HELZ: variants seen among roughly 807,000 people sequenced by gnomAD.
The protein encoded by HELZ is helicase with zinc finger, also known as ATP-dependent RNA helicase with zinc finger domain.
Under a neutral mutation model 218.2 loss-of-function variants are expected in HELZ, and 23 were observed. The ratio of observed to expected loss-of-function variants is 0.11; its 90% confidence interval spans 0.08 to 0.15. The LOEUF (loss-of-function observed/expected upper bound fraction) is 0.15. Ranked by LOEUF, HELZ falls within the 10% of genes least tolerant of loss-of-function variation. HELZ has a pLI of 1.00. For synonymous variants in HELZ, 814 were observed against 829.4 expected, an observed-to-expected ratio of 0.98 and a Z score of 0.32; for missense variants, 1,813 against 2,353.7, an observed-to-expected ratio of 0.77 and a Z score of 4.75.
intron 12 of HELZ, among the ~76,000 whole-genome samples, chr17:67,185,670 T>A (rs1311088388): frequency 3.9e-5 from 6 of 152,224 alleles, no homozygotes; most frequent in Non-Finnish European, 7.3e-5. Flanking sequence ...ATACTGTTTG[T>A]TATTTCTCCT....
At chr17:67,219,631 AAG>A (rs10538458) in intron 3 of HELZ, among the ~76,000 whole-genome samples, 29,744 of 152,092 alleles carry the variant, frequency 0.2, 3,006 homozygotes, top group African/African-American at 0.26. Flanking sequence ...TCAGAGGAGT[AAG>A]AGAAGCTATG....
In HELZ at chr17:67,102,634, GCACATCAATCATTCACT is replaced by G. The variant is rs572117843; in HGVS notation, c.5241+4518_5241+4534del. On this transcript the variant is annotated intron_variant, in intron 31 of 32. Coordinates refer to ENST00000358691, the MANE Select transcript of HELZ (RefSeq NM_014877.4). ...TTAAAAGGTTGGAAATAAACAGCAA[GCACATCAATCATTCACT>G]TTGTGAGATGATTCATGCAAAAGCA... Among the ~76,000 whole-genome samples, 14 of 152,286 alleles carry G rather than the reference GCACATCAATCATTCACT, an allele frequency of 9.2e-5. No homozygotes were observed. The East Asian group carries it at 2.5e-3, about 27-fold the overall frequency.
At chr17:67,114,804 C>A (rs1411741347) in intron 27 of HELZ, among the ~76,000 whole-genome samples, 1 of 152,098 alleles carries the variant, frequency 6.6e-6, no homozygotes, top group African/African-American at 2.4e-5. Context: ...CTAAATAACG[C>A]CTCAATCTAA....
intron 3 of HELZ, chr17:67,224,394 G>T (rs1265086285): frequency 4.6e-6 from 1 of 219,628 alleles, no homozygotes; most frequent in African/African-American, 2.3e-5. Context: ...CCTGAATCCA[G>T]CTCTGGCTAG....
intron 3 of HELZ, among the ~76,000 whole-genome samples, chr17:67,231,719 T>C (rs1270190948): frequency 6.6e-6 from 1 of 152,014 alleles, no homozygotes; most frequent in Non-Finnish European, 1.5e-5. Flanking sequence ...TGACCTATAC[T>C]TCTTAATTTT....
intron 13 of HELZ, among the ~76,000 whole-genome samples, chr17:67,172,555 T>C (rs1436805309): frequency 6.6e-6 from 1 of 152,208 alleles, no homozygotes; most frequent in East Asian, 1.9e-4. Context: ...ATTCTTGAAA[T>C]CCTGTCATAT....
intron 31 of HELZ, among the ~76,000 whole-genome samples, chr17:67,096,454 T>C (rs1167225601): frequency 6.6e-6 from 1 of 152,250 alleles, no homozygotes; most frequent in Admixed American, 6.5e-5. Context: ...CTTCTTCCAA[T>C]AAGAGGCTGT....
chr17:67,181,153 G>A (rs1171781516), intron 12 of HELZ, among the ~76,000 whole-genome samples: 2 of 152,076 alleles, frequency 1.3e-5, no homozygotes, highest in Admixed American at 6.6e-5. Context: ...TGGTGGTGGG[G>A]AGATTATATT....
At chr17:67,092,534 A>G (rs2036602549) in intron 31 of HELZ, among the ~76,000 whole-genome samples, 1 of 152,208 alleles carries the variant, frequency 6.6e-6, no homozygotes, top group African/African-American at 2.4e-5. Context: ...ACAAAAAGAT[A>G]AGGAGACAGA....
At chr17:67,114,512 C>A (rs2037373936) in intron 27 of HELZ, 109 bp from the exon 28 acceptor site, 3 of 699,052 alleles carry the variant, frequency 4.3e-6, no homozygotes, top group Non-Finnish European at 5.0e-6. Flanking sequence ...ACTTTTCACC[C>A]ATTATGATCA....
Position 67,119,922 on chromosome 17 carries a change from G to C in HELZ, c.3838+483C>G, listed in dbSNP as rs193045422. 6 of 404,698 alleles carry C rather than the reference G, an allele frequency of 1.5e-5. No individual in the cohort carries two copies. The East Asian group carries it at 3.5e-4, about 24-fold the overall frequency. 25.1% of individuals were successfully genotyped at this position (404,698 alleles called of 1,614,324 possible). On this transcript the variant is annotated intron_variant, in intron 27 of 32. Coordinates refer to ENST00000358691, the MANE Select transcript of HELZ (RefSeq NM_014877.4). Reference sequence around the variant, plus strand: ...CCCTCTGAGGTTACATCTCAATTTTGTGTCTGTGTACATAATTTGTATCTT... The same window carrying C: ...CCCTCTGAGGTTACATCTCAATTTTCTGTCTGTGTACATAATTTGTATCTT...
intron 7 of HELZ, among the ~76,000 whole-genome samples, chr17:67,200,416 C>T (rs2040139166): frequency 6.6e-6 from 1 of 152,062 alleles, no homozygotes; most frequent in Non-Finnish European, 1.5e-5. Context: ...GTCCTTAAAT[C>T]ACAGACTTCC....
intron 17 of HELZ, among the ~76,000 whole-genome samples, chr17:67,154,607 A>G (rs1416773796): frequency 6.6e-6 from 1 of 152,204 alleles, no homozygotes; most frequent in Non-Finnish European, 1.5e-5. Context: ...TTTCTTAAAT[A>G]AGAAAAATAC....
In HELZ at chr17:67,076,924, G is replaced by A. The variant is rs538297082; in HGVS notation, c.*1328C>T. On this transcript the variant is annotated 3_prime_UTR_variant, in exon 33 of 33. Coordinates refer to ENST00000358691, the MANE Select transcript of HELZ (RefSeq NM_014877.4). Reference sequence around the variant, plus strand: ...ATATAAAAGTAGTATTACAAGGTCAGGAAAATAAGGACATATATTGCTTTA... The same window carrying A: ...ATATAAAAGTAGTATTACAAGGTCAAGAAAATAAGGACATATATTGCTTTA... 6.6e-6 allele frequency: 1 copy of A among 152,064 alleles called. No individual in the cohort carries two copies. Among genetic ancestry groups the A allele is most frequent in the Admixed American group, 6.5e-5 (1 of 15,270 alleles). 9.4% of individuals were successfully genotyped at this position (152,064 alleles called of 1,614,324 possible). A position where few individuals can be genotyped will look rare whatever the true frequency, so the allele number is the denominator to read the frequency against.
intron 3 of HELZ, among the ~76,000 whole-genome samples, chr17:67,237,678 G>A (rs969732939): frequency 9.9e-5 from 15 of 152,138 alleles, no homozygotes; most frequent in Admixed American, 9.8e-4. Flanking sequence ...AAGGGAGGAT[G>A]GAAAGTCATT....
chr17:67,074,593 C>T lies in HELZ; in HGVS notation c.*3659G>A, dbSNP rs1367593579. On this transcript the variant is annotated 3_prime_UTR_variant, in exon 33 of 33. Coordinates refer to ENST00000358691, the MANE Select transcript of HELZ (RefSeq NM_014877.4). ...TGCTCTTGACATGAAAAATATTAAA[C>T]ACATAAAATCAACTACACTAGAGCA... 1 of 152,070 alleles carries T rather than the reference C, an allele frequency of 6.6e-6. No homozygotes were observed. Among genetic ancestry groups the T allele is most frequent in the Non-Finnish European group, 1.5e-5 (1 of 67,966 alleles). The allele number at this position is 152,070 out of a possible 1,614,324, so 9.4% of individuals were successfully genotyped here.
intron 1 of HELZ, among the ~76,000 whole-genome samples, chr17:67,244,226 C>T (rs558368248): frequency 1.4e-3 from 210 of 152,262 alleles, no homozygotes; most frequent in Middle Eastern, 6.8e-3. Context: ...CTCCAGGAAT[C>T]CACTGTCTCT....
At chr17:67,171,706 C>A (rs2039314847) in intron 13 of HELZ, among the ~76,000 whole-genome samples, 1 of 152,154 alleles carries the variant, frequency 6.6e-6, no homozygotes, top group Non-Finnish European at 1.5e-5. Flanking sequence ...TTTACCCTGT[C>A]CCCACCACAC....
intron 21 of HELZ, 73 bp from the exon 22 acceptor site, chr17:67,138,187 A>G (rs2038210640): frequency 1.6e-6 from 2 of 1,270,776 alleles, no homozygotes; most frequent in Non-Finnish European, 2.1e-6. Context: ...CGTAACTAAA[A>G]CTGATTTATA....
Sources: gnomAD v4.1 joint callset for allele counts (sites outside exome capture counted in the v4.1 genomes callset) on GRCh38, gnomAD v4.1.1 for gene constraint, MANE v1.5 for transcripts, NCBI Gene and HGNC (gene_info 2026-07-23, HGNC 2026-07-21) for gene names.